Variants in SETD5 observed in about 807,000 individuals in gnomAD.
The protein encoded by SETD5 is SET domain containing 5.
In SETD5, 44 loss-of-function variants were observed where a neutral mutation model predicts 153.3. That is an observed-to-expected ratio of 0.29 (90% confidence interval 0.23 to 0.37). The LOEUF (loss-of-function observed/expected upper bound fraction) is 0.37, where lower values mean the gene tolerates loss of function less well. SETD5 is among the 10% of genes least tolerant of loss of function. The probability of loss-of-function intolerance (pLI) is 1.00; values close to 1 mark genes in which losing one functional copy is unlikely to be tolerated. For missense variants in SETD5, 1,544 were observed against 1,768.0 expected (o/e 0.87, Z 2.27); for synonymous variants, 716 against 645.2 (o/e 1.11, Z -1.66).
At chr3:9,436,238 C>T (rs2040553203) in intron 7 of SETD5, among the ~76,000 whole-genome samples, 1 of 152,124 alleles carries the variant, frequency 6.6e-6, no homozygotes, top group Admixed American at 6.5e-5. Context: ...CCTCTCAACC[C>T]CAAAGTACAG....
intron 1 of SETD5, among the ~76,000 whole-genome samples, chr3:9,408,757 T>G (rs991874515): frequency 2.0e-5 from 3 of 152,190 alleles, no homozygotes; most frequent in Non-Finnish European, 4.4e-5. Flanking sequence ...ATTCATTGCC[T>G]AGATCAAACT....
intron 18 of SETD5, among the ~76,000 whole-genome samples, chr3:9,467,215 AAAAAAAAAAC>A (rs527620139): frequency 0.025 from 3,694 of 150,322 alleles, 78 homozygotes; most frequent in South Asian, 0.039. Flanking sequence ...AAAAAAAAAA[AAAAAAAAAAC>A]AACCTTACTA....
At chr3:9,445,518 G>A in intron 12 of SETD5, 139 bp from the exon 13 acceptor site, 1 of 882,502 alleles carries the variant, frequency 1.1e-6, no homozygotes, top group South Asian at 1.7e-5. Context: ...GTTATCATCT[G>A]TGTTTACCAT....
chr3:9,446,443 T>C (rs973503607), intron 13 of SETD5, among the ~76,000 whole-genome samples: 2 of 152,078 alleles, frequency 1.3e-5, no homozygotes, highest in Non-Finnish European at 2.9e-5. Context: ...TAAAATTTTC[T>C]ACTTTTATGC....
rs756263233 is a variant in SETD5, at chr3:9,448,485, C to T, written c.2201C>T (p.Thr734Met). 6 of 1,613,982 alleles carry T rather than the reference C, an allele frequency of 3.7e-6. No homozygotes were observed. The highest frequency in any genetic ancestry group is 1.6e-4 in the Middle Eastern group (1 of 6,062). ...ACAACGGATCCAACTGTACTGGCAA[C>T]GACCCTAAACATGTTACCAGGTCTT... is the stretch of plus-strand genomic sequence containing the variant. ...RITTDPTVLATTLNMLPGLIH... is the reference protein window; with the variant it reads ...RITTDPTVLAMTLNMLPGLIH... The change falls in exon 16 of 23, where the codon ACG becomes ATG. Residue 734 changes from threonine to methionine, a missense_variant. Physicochemically the swap from Thr to Met is moderately conservative, Grantham distance 81. Coordinates refer to ENST00000402198, the MANE Select transcript of SETD5 (RefSeq NM_001080517.3).
intron 17 of SETD5, 34 bp from the exon 18 acceptor site, chr3:9,464,391 T>C: frequency 1.3e-6 from 2 of 1,590,300 alleles, no homozygotes; most frequent in Non-Finnish European, 1.7e-6. Flanking sequence ...TAATCTGTGG[T>C]TTCAAACTCT....
At chr3:9,422,561 G>T (rs958088477) in intron 1 of SETD5, among the ~76,000 whole-genome samples, 2 of 152,018 alleles carry the variant, frequency 1.3e-5, no homozygotes, top group Non-Finnish European at 2.9e-5. Context: ...TGATGTGCTT[G>T]GATAATTGTA....
chr3:9,463,551 G>A (rs1375082300), intron 17 of SETD5, among the ~76,000 whole-genome samples: 1 of 152,170 alleles, frequency 6.6e-6, no homozygotes, highest in African/African-American at 2.4e-5. Context: ...GATCTAAGAA[G>A]TACAGAAAAT....
Position 9,445,666 on chromosome 3 carries a change from A to G in SETD5, c.1450A>G (p.Asn484Asp). Residue 484 changes from asparagine to aspartate, a missense_variant, in exon 13 of 23, where the codon AAT (asparagine) becomes GAT (aspartate). Asn to Asp is a conservative substitution (Grantham distance 23, BLOSUM62 1). Transcript: ENST00000402198. ...TVSSDHEEVDNPEEKPEEEKE... is the reference protein window; with the variant it reads ...TVSSDHEEVDDPEEKPEEEKE... ...TGCCTCTATCTTAAAGGAAGTAGAC[A>G]ATCCAGAAGAAAAACCAGAAGAAGA... 1 of 1,613,576 alleles carries G rather than the reference A, an allele frequency of 6.2e-7. No individual in the cohort carries two copies. Among genetic ancestry groups the G allele is most frequent in the Non-Finnish European group, 8.5e-7 (1 of 1,179,620 alleles).
chr3:9,399,520 A>AGTCTT (rs894305274), intron 1 of SETD5, among the ~76,000 whole-genome samples: 2 of 152,000 alleles, frequency 1.3e-5, no homozygotes, highest in African/African-American at 4.8e-5. Context: ...ATGGGATTAG[A>AGTCTT]GTCTTTAAGG....
intron 15 of SETD5, 142 bp from the exon 16 acceptor site, chr3:9,448,246 T>TA: frequency 7.6e-7 from 1 of 1,317,524 alleles, no homozygotes; most frequent in South Asian, 1.5e-5. Context: ...TGAAGGAAGA[T>TA]ATCCTTGTGT....
intron 1 of SETD5, among the ~76,000 whole-genome samples, chr3:9,406,607 C>CAAAAAAAA (rs746999028): frequency 6.0e-5 from 6 of 99,280 alleles, no homozygotes; most frequent in Admixed American, 2.2e-4. Flanking sequence ...GACTCTGTCT[C>CAAAAAAAA]AAAAAAAAAA....
chr3:9,426,745 C>G (rs1338289994), intron 2 of SETD5, among the ~76,000 whole-genome samples: 1 of 151,946 alleles, frequency 6.6e-6, no homozygotes, highest in East Asian at 1.9e-4. Flanking sequence ...GCCATGTTTC[C>G]CAGGCTGGTC....
Position 9,470,477 on chromosome 3 carries a change from C to G in SETD5, c.2743C>G (p.Leu915Val), listed in dbSNP as rs1182015752. 4 of 1,610,942 alleles carry G rather than the reference C, an allele frequency of 2.5e-6. No individual in the cohort carries two copies. Among genetic ancestry groups the G allele is most frequent in the Middle Eastern group, 1.6e-4 (1 of 6,062 alleles). ...LQFELCHRKD[L>V]DLAKVGYLDS... ...CTTTCAGCTTTGTCACCGAAAAGAC[C>G]TGGATTTGGCAAAAGTAGGATACCT... The change falls in exon 19 of 23, where the codon CTG becomes GTG. Residue 915 changes from leucine (L) to valine (V), a missense_variant. By Grantham distance (32) the Leu-to-Val change is conservative. Coordinates refer to ENST00000402198, the MANE Select transcript of SETD5 (RefSeq NM_001080517.3).
At chr3:9,433,823 A>G (rs200932563) in intron 3 of SETD5, 22 bp from the exon 4 acceptor site, 30 of 1,610,584 alleles carry the variant, frequency 1.9e-5, no homozygotes, top group Admixed American at 6.7e-5. Flanking sequence ...GCTATCATGC[A>G]TTGCTTTTCG....
At chr3:9,472,326 A>G (rs2125594511) in intron 19 of SETD5, among the ~76,000 whole-genome samples, 1 of 152,272 alleles carries the variant, frequency 6.6e-6, no homozygotes, top group South Asian at 2.1e-4. Context: ...TCAGGGAGCA[A>G]TCAAGGCATG....
Position 9,464,663 on chromosome 3 carries a change from A to G in SETD5, c.2715A>G (p.Leu905=), listed in dbSNP as rs776998092. ...LTTASRCNTP[L]QFELCHRKDL... is the part of the protein sequence containing the mutation. ...CTGCTAGTCGCTGCAACACTCCTCT[A>G]CAGTTTGAGGTGATTTGGGTTTGGT... Residue 905 remains leucine (L), a synonymous_variant, in exon 18 of 23, where the codon CTA becomes CTG. Coordinates refer to ENST00000402198, the MANE Select transcript of SETD5 (RefSeq NM_001080517.3). 6.2e-6 allele frequency: 10 copies of G among 1,613,874 alleles called. No individual in the cohort carries two copies. Among genetic ancestry groups the G allele is most frequent in the East Asian group, 4.5e-5 (2 of 44,892 alleles).
Position 9,473,506 on chromosome 3 carries a change from T to C in SETD5, c.3466T>C (p.Cys1156Arg). ...TTCCAGAGGCACTTCTTCATCTCAC[T>C]GCAGACCTCAAGAGAATATCAGCAG... ...SDSRGTSSSHCRPQENISSRW... is the reference protein window; with the variant it reads ...SDSRGTSSSHRRPQENISSRW... The change falls in exon 20 of 23, where the codon TGC becomes CGC. Residue 1156 changes from cysteine to arginine, a missense_variant. This residue lies in a region of SETD5 where 38 missense variants were observed against 71.4 expected (regional missense o/e 0.53). Coordinates refer to ENST00000402198, the MANE Select transcript of SETD5 (RefSeq NM_001080517.3). The C allele has an allele frequency of 6.2e-7, 1 of 1,613,618 alleles. No homozygotes were observed. The highest frequency in any genetic ancestry group is 2.2e-5 in the East Asian group (1 of 44,876).
intron 1 of SETD5, among the ~76,000 whole-genome samples, chr3:9,401,899 C>T (rs1208225038): frequency 2.6e-5 from 4 of 152,082 alleles, no homozygotes; most frequent in Non-Finnish European, 4.4e-5. Flanking sequence ...AAATGTGCAT[C>T]GTATATTTAG....
Sources: gnomAD v4.1 joint callset for allele counts (sites outside exome capture counted in the v4.1 genomes callset) on GRCh38, gnomAD v4.1.1 for gene constraint, gnomAD v4.1.1 regional missense constraint, MANE v1.5 for transcripts, NCBI Gene and HGNC (gene_info 2026-07-23, HGNC 2026-07-21) for gene names.